SPPL3: variants seen among roughly 807,000 people sequenced by gnomAD.
The protein encoded by SPPL3 is signal peptide peptidase-like 3.
SPPL3 carries 5 observed loss-of-function variants against 42.4 expected under a neutral mutation model. That is an observed-to-expected ratio of 0.12 (90% CI 0.06 to 0.25). The LOEUF (loss-of-function observed/expected upper bound fraction) is 0.25. Among genes scored for constraint, SPPL3 ranks in the 10% least tolerant of loss-of-function variants. SPPL3 has a pLI of 1.00. For synonymous variants in SPPL3, 195 were observed against 181.8 expected, an observed-to-expected ratio of 1.07 and a Z score of -0.58; for missense variants, 235 against 489.0, an observed-to-expected ratio of 0.48 and a Z score of 4.90.
At chr12:120,838,422 G>A (rs1000101528) in intron 1 of SPPL3, among the ~76,000 whole-genome samples, 1 of 152,152 alleles carries the variant, frequency 6.6e-6, no homozygotes, top group African/African-American at 2.4e-5. Flanking sequence ...CCAAAAACAA[G>A]CACACAGCCA....
intron 1 of SPPL3, among the ~76,000 whole-genome samples, chr12:120,826,478 C>A (rs185813459): frequency 1.1e-3 from 173 of 152,134 alleles, no homozygotes; most frequent in African/African-American, 4.1e-3. Flanking sequence ...TAAGGCAGAA[C>A]CCTTGACACG....
At chr12:120,839,562 A>G (rs1187007033) in intron 1 of SPPL3, among the ~76,000 whole-genome samples, 1 of 152,188 alleles carries the variant, frequency 6.6e-6, no homozygotes, top group Non-Finnish European at 1.5e-5. Flanking sequence ...CTCATCTTAA[A>G]TTTAATTCTT....
intron 1 of SPPL3, among the ~76,000 whole-genome samples, chr12:120,827,113 T>G (rs970229377): frequency 2.2e-4 from 33 of 151,760 alleles, no homozygotes; most frequent in Admixed American, 1.1e-3. Flanking sequence ...ATTTTGAAAG[T>G]GTGGGTTTTA....
At chr12:120,812,106 G>GAAAA (rs11406013) in intron 1 of SPPL3, among the ~76,000 whole-genome samples, 2 of 140,698 alleles carry the variant, frequency 1.4e-5, no homozygotes, top group Non-Finnish European at 3.1e-5. Context: ...CCATTTAGTG[G>GAAAA]AAAAAAAAAA....
intron 1 of SPPL3, among the ~76,000 whole-genome samples, chr12:120,819,703 G>T (rs1316026498): frequency 6.6e-6 from 1 of 152,112 alleles, no homozygotes; most frequent in African/African-American, 2.4e-5. Context: ...GTGCTTTGTG[G>T]AAATTTTCCA....
chr12:120,851,133 C>G (rs1479655017), intron 1 of SPPL3, among the ~76,000 whole-genome samples: 1 of 152,104 alleles, frequency 6.6e-6, no homozygotes, highest in Non-Finnish European at 1.5e-5. Context: ...TAGATACTTA[C>G]CAGGTGTTAT....
chr12:120,772,893 G>T (rs889797228), intron 6 of SPPL3, among the ~76,000 whole-genome samples: 1 of 152,326 alleles, frequency 6.6e-6, no homozygotes, highest in South Asian at 2.1e-4. Context: ...GAGCTGCAGT[G>T]TGAGTTCTGG....
At chr12:120,887,907 G>A (rs1213637723) in intron 1 of SPPL3, among the ~76,000 whole-genome samples, 1 of 152,158 alleles carries the variant, frequency 6.6e-6, no homozygotes, top group African/African-American at 2.4e-5. Context: ...CACATTGCTG[G>A]TGGTAATGTA....
At chr12:120,778,242 G>A (rs1430783640) in intron 6 of SPPL3, among the ~76,000 whole-genome samples, 3 of 147,786 alleles carry the variant, frequency 2.0e-5, no homozygotes, top group African/African-American at 7.5e-5. Flanking sequence ...TCACCATTCT[G>A]AGTAGCTGGG....
In SPPL3 at chr12:120,904,248, GGGC is replaced by G. The variant is rs928927065; in HGVS notation, c.-384_-382del. ...GCGGGGCCGCGGGAGCGCCGCGCTC[GGGC>G]GGCGGCGGCGGCGGCCGGGGGACAT... On this transcript the variant is annotated 5_prime_UTR_variant, in exon 1 of 11. Coordinates refer to ENST00000353487, the MANE Select transcript of SPPL3 (RefSeq NM_139015.5). 1.5e-4 allele frequency: 27 copies of G among 176,748 alleles called. No homozygotes were observed. Among genetic ancestry groups the G allele is most frequent in the Non-Finnish European group, 2.0e-4 (17 of 86,540 alleles). 10.9% of individuals were successfully genotyped at this position (176,748 alleles called of 1,614,324 possible).
chr12:120,783,809 T>C (rs1869622620), intron 4 of SPPL3, 57 bp from the exon 5 acceptor site: 3 of 1,485,792 alleles, frequency 2.0e-6, no homozygotes, highest in Non-Finnish European at 1.9e-6. Context: ...TGGCATGACT[T>C]ATAGAAACTT....
At chr12:120,771,798 C>T (rs533659862) in intron 6 of SPPL3, among the ~76,000 whole-genome samples, 2 of 152,304 alleles carry the variant, frequency 1.3e-5, no homozygotes, top group Non-Finnish European at 2.9e-5. Context: ...GGAGGGCACT[C>T]TCCACTGTAC....
intron 1 of SPPL3, among the ~76,000 whole-genome samples, chr12:120,886,274 G>A (rs1873458557): frequency 6.6e-6 from 1 of 152,118 alleles, no homozygotes; most frequent in African/African-American, 2.4e-5. Flanking sequence ...ACATCTGCTG[G>A]CATTTGACAC....
At chr12:120,841,969 A>G (rs1276787451) in intron 1 of SPPL3, among the ~76,000 whole-genome samples, 1 of 152,224 alleles carries the variant, frequency 6.6e-6, no homozygotes, top group Non-Finnish European at 1.5e-5. Context: ...TTAGGCATTT[A>G]AGGCAAAATT....
At chr12:120,865,941 T>G (rs1000754561) in intron 1 of SPPL3, among the ~76,000 whole-genome samples, 1 of 152,170 alleles carries the variant, frequency 6.6e-6, no homozygotes, top group Non-Finnish European at 1.5e-5. Context: ...TAGATTCTCA[T>G]AGGAGTGAGA....
At chr12:120,837,917 C>G (rs1871676762) in intron 1 of SPPL3, among the ~76,000 whole-genome samples, 1 of 151,994 alleles carries the variant, frequency 6.6e-6, no homozygotes, top group Non-Finnish European at 1.5e-5. Flanking sequence ...GACTGTAATC[C>G]CAGCTACTGG....
intron 1 of SPPL3, chr12:120,901,775 G>C (rs1234722360): frequency 2.1e-6 from 1 of 484,942 alleles, no homozygotes; most frequent in Admixed American, 6.4e-5. Context: ...ATTGAAGGAA[G>C]TATTTTAGTA....
chr12:120,778,888 A>C (rs746290808), intron 6 of SPPL3, among the ~76,000 whole-genome samples: 26 of 152,324 alleles, frequency 1.7e-4, no homozygotes, highest in Admixed American at 1.3e-3. Flanking sequence ...GGATCCAGAA[A>C]AAAAATACAA....
rs796220824 is a variant in SPPL3 at position 120,781,576 on chromosome 12, T to G, written c.502+1079A>C. 1.1e-4 allele frequency among the ~76,000 whole-genome samples: 14 copies of G among 123,884 alleles called. 1 individual carries two copies. The highest frequency in any genetic ancestry group is 4.5e-4 in the East Asian group (2 of 4,402). The allele number at this position is 123,884 out of a possible 152,430, so 81.3% of individuals were successfully genotyped here. A position where few individuals can be genotyped will look rare whatever the true frequency, so the allele number is the denominator to read the frequency against. On this transcript the variant is annotated intron_variant, in intron 6 of 10. Transcript: ENST00000353487. ...TTACGTTTTTTTTTTTTTTTTTTTT[T>G]TTTTTTTTTTTTTTTGAGACGGAGT...
Sources: allele counts gnomAD v4.1 joint callset (sites outside exome capture counted in the v4.1 genomes callset), GRCh38; gene constraint gnomAD v4.1.1; transcripts MANE v1.5; gene names NCBI Gene and HGNC (gene_info 2026-07-23, HGNC 2026-07-21).